COL28A1: variants seen among roughly 807,000 people sequenced by gnomAD.
The protein encoded by COL28A1 is collagen alpha-1(XXVIII) chain.
A neutral mutation model predicts 150.2 loss-of-function variants in COL28A1; 161 were observed. The ratio of observed to expected loss-of-function variants is 1.07; its 90% confidence interval spans 0.94 to 1.22. The LOEUF is 1.22. Among genes scored for constraint, COL28A1 ranks in the 50% most tolerant of loss-of-function variants. The pLI is 0.00. For synonymous variants in COL28A1, 552 were observed against 469.7 expected, an observed-to-expected ratio of 1.18 and a Z score of -2.26; for missense variants, 1,617 against 1,388.3, an observed-to-expected ratio of 1.16 and a Z score of -2.62.
At chr7:7,339,483 A>G in the COL28A1 span, among the ~76,000 whole-genome samples, 1 of 152,108 alleles carries the variant, frequency 6.6e-6, no homozygotes, top group African/African-American at 2.4e-5. Flanking sequence ...GAGGCAGAAT[A>G]CTGTTCTGAC....
At chr7:7,396,402 A>G (rs899825080) in intron 27 of COL28A1, among the ~76,000 whole-genome samples, 2 of 152,158 alleles carry the variant, frequency 1.3e-5, no homozygotes, top group Admixed American at 6.6e-5. Context: ...CCTCCGAACA[A>G]AGGCTTTGCT....
chr7:7,472,993 G>A (rs562424357), intron 15 of COL28A1, among the ~76,000 whole-genome samples: 11 of 152,202 alleles, frequency 7.2e-5, no homozygotes, highest in East Asian at 3.9e-4. Flanking sequence ...GAATAAAACC[G>A]GATCCTCATC....
chr7:7,419,805 A>C (rs1387670799), intron 26 of COL28A1, 80 bp downstream of exon 26: 2 of 864,450 alleles, frequency 2.3e-6, no homozygotes, highest in Admixed American at 3.3e-5. Flanking sequence ...CAAGACGAAC[A>C]CTTATTATGA....
chr7:7,345,116 A>G, the COL28A1 span, among the ~76,000 whole-genome samples: 1 of 152,064 alleles, frequency 6.6e-6, no homozygotes, highest in African/African-American at 2.4e-5. Flanking sequence ...AAGCAGCACC[A>G]TATTATGTTA....
chr7:7,360,948 T>A (rs543499366), intron 33 of COL28A1, among the ~76,000 whole-genome samples: 1 of 152,362 alleles, frequency 6.6e-6, no homozygotes, highest in South Asian at 2.1e-4. Context: ...CTCCATTTCC[T>A]AACACTAGAC....
In COL28A1 at chr7:7,380,642, T is replaced by A; in HGVS notation, c.2322+18A>T. 6.2e-7 allele frequency: 1 copy of A among 1,610,628 alleles called. No individual in the cohort carries two copies. Among genetic ancestry groups the A allele is most frequent in the South Asian group, 1.1e-5 (1 of 90,928 alleles). Reference sequence around the variant, plus strand: ...GCAAGCACAAAACCCTCAATTACCCTCTAGAATGGATACTCACTGTAAGTC... The same window carrying A: ...GCAAGCACAAAACCCTCAATTACCCACTAGAATGGATACTCACTGTAAGTC... On this transcript the variant is annotated intron_variant, in intron 30 of 34. Coordinates refer to ENST00000399429, the MANE Select transcript of COL28A1 (RefSeq NM_001037763.3).
chr7:7,400,332 G>A (rs1243997450), intron 27 of COL28A1, among the ~76,000 whole-genome samples: 1 of 152,116 alleles, frequency 6.6e-6, no homozygotes, highest in Non-Finnish European at 1.5e-5. Flanking sequence ...AGACAGGAGA[G>A]AAGAAGGCCA....
intron 3 of COL28A1, among the ~76,000 whole-genome samples, chr7:7,527,585 AG>A (rs1457608569): frequency 6.6e-6 from 1 of 152,210 alleles, no homozygotes; most frequent in Non-Finnish European, 1.5e-5. Context: ...GCAGGCTGCA[AG>A]GAGAACAGTG....
intron 1 of COL28A1, among the ~76,000 whole-genome samples, chr7:7,534,299 C>G (rs577659557): frequency 2.2e-4 from 34 of 152,170 alleles, no homozygotes; most frequent in African/African-American, 7.7e-4. Flanking sequence ...GTATTAAAAA[C>G]AAAACAAAAC....
intron 23 of COL28A1, among the ~76,000 whole-genome samples, chr7:7,435,587 C>T (rs1424397131): frequency 6.6e-6 from 1 of 152,144 alleles, no homozygotes; most frequent in Non-Finnish European, 1.5e-5. Context: ...CTCCCTTTAC[C>T]TTTAAAAAGA....
intron 4 of COL28A1, 90 bp from the exon 5 acceptor site, chr7:7,522,051 T>C (rs774008838): frequency 4.5e-5 from 35 of 778,304 alleles, no homozygotes; most frequent in Non-Finnish European, 7.2e-5. Flanking sequence ...CATTTCAAAG[T>C]GTATTTCAAA....
intron 27 of COL28A1, among the ~76,000 whole-genome samples, chr7:7,393,853 A>G (rs915198766): frequency 6.6e-6 from 1 of 152,150 alleles, no homozygotes; most frequent in African/African-American, 2.4e-5. Flanking sequence ...ATTGGATCTT[A>G]GCTTGCTAGG....
At chr7:7,539,859 T>C (rs1782755201), upstream of COL28A1, among the ~76,000 whole-genome samples, 1 of 152,174 alleles carries the variant, frequency 6.6e-6, no homozygotes, top group Admixed American at 6.5e-5. Context: ...CTAAGATCTC[T>C]TGCTTCATTA....
chr7:7,377,659 T>A (rs556018494), intron 30 of COL28A1, among the ~76,000 whole-genome samples: 2 of 152,208 alleles, frequency 1.3e-5, no homozygotes, highest in African/African-American at 4.8e-5. Context: ...CTTGAAGACC[T>A]TTGTGTCATG....
At chr7:7,541,986 A>G in the COL28A1 span, among the ~76,000 whole-genome samples, 1 of 150,884 alleles carries the variant, frequency 6.6e-6, no homozygotes, top group Non-Finnish European at 1.5e-5. Context: ...TCTAGTTGAC[A>G]ATACCATGCT....
chr7:7,431,384 G>A (rs537107795), intron 25 of COL28A1: 3 of 363,074 alleles, frequency 8.3e-6, no homozygotes, highest in Non-Finnish European at 1.7e-5. Context: ...AGAAATAAAT[G>A]AGGAAGATGA....
chr7:7,470,791 A>G (rs1788343961), intron 15 of COL28A1, among the ~76,000 whole-genome samples: 1 of 127,470 alleles, frequency 7.8e-6, no homozygotes, highest in African/African-American at 3.5e-5. Context: ...ATAAAAAATG[A>G]TGAGTTCATA....
At chr7:7,413,952 A>G (rs1783926194) in intron 27 of COL28A1, among the ~76,000 whole-genome samples, 1 of 152,226 alleles carries the variant, frequency 6.6e-6, no homozygotes, top group African/African-American at 2.4e-5. Context: ...AATTGTGTTT[A>G]TATAAGGACT....
intron 11 of COL28A1, among the ~76,000 whole-genome samples, chr7:7,494,849 T>C (rs1780117406): frequency 6.6e-6 from 1 of 152,170 alleles, no homozygotes; most frequent in African/African-American, 2.4e-5. Flanking sequence ...TTGGGAAAGT[T>C]TCATATAGTA....
Sources: gnomAD v4.1 joint callset for allele counts (sites outside exome capture counted in the v4.1 genomes callset) on GRCh38, gnomAD v4.1.1 for gene constraint, MANE v1.5 for transcripts, NCBI Gene and HGNC (gene_info 2026-07-23, HGNC 2026-07-21) for gene names.